Variants in QTMAN observed in about 807,000 individuals in gnomAD.
QTMAN encodes queuosine-tRNA mannosyltransferase, also known as tRNA-queuosine alpha-mannosyltransferase.
the QTMAN span, among the ~76,000 whole-genome samples, chr2:143,959,937 G>A: frequency 6.6e-6 from 1 of 152,004 alleles, no homozygotes; most frequent in Admixed American, 6.6e-5. Flanking sequence ...GTGGCTAATG[G>A]TTGTGAAATC....
At chr2:144,108,534 A>G in the QTMAN span, among the ~76,000 whole-genome samples, 1 of 151,094 alleles carries the variant, frequency 6.6e-6, no homozygotes, top group South Asian at 2.1e-4. Context: ...GCTACTGGAG[A>G]GGCTGAGGCA....
chr2:144,166,284 C>T, the QTMAN span, among the ~76,000 whole-genome samples: 1 of 152,196 alleles, frequency 6.6e-6, no homozygotes, highest in Non-Finnish European at 1.5e-5. Context: ...AACTTGTCTG[C>T]ATCATTTAAG....
the QTMAN span, among the ~76,000 whole-genome samples, chr2:144,239,876 A>T: frequency 6.6e-6 from 1 of 152,196 alleles, no homozygotes; most frequent in Non-Finnish European, 1.5e-5. Context: ...AAAGCCTACC[A>T]ATCTAGCCTC....
the QTMAN span, among the ~76,000 whole-genome samples, chr2:144,136,655 A>T: frequency 6.6e-6 from 1 of 152,078 alleles, no homozygotes; most frequent in Non-Finnish European, 1.5e-5. Context: ...TTCCTTTAGC[A>T]TCTAGTTTAG....
At chr2:144,206,518 A>C in the QTMAN span, among the ~76,000 whole-genome samples, 1 of 152,206 alleles carries the variant, frequency 6.6e-6, no homozygotes, top group Non-Finnish European at 1.5e-5. Flanking sequence ...CTCAAATATA[A>C]GTTAAACTGG....
the QTMAN span, among the ~76,000 whole-genome samples, chr2:144,102,972 T>C: frequency 1.3e-5 from 2 of 152,184 alleles, no homozygotes; most frequent in Admixed American, 6.5e-5. Context: ...CCCACCACTT[T>C]TCCCCAAACC....
chr2:144,115,520 A>G, the QTMAN span, among the ~76,000 whole-genome samples: 1 of 152,228 alleles, frequency 6.6e-6, no homozygotes, highest in African/African-American at 2.4e-5. Flanking sequence ...CCAGTTTGGC[A>G]GTTGGAAGAG....
chr2:144,132,434 T>A, the QTMAN span, among the ~76,000 whole-genome samples: 1 of 152,196 alleles, frequency 6.6e-6, no homozygotes, highest in East Asian at 1.9e-4. Context: ...TTTCCCAGCA[T>A]TCTAAAATAG....
the QTMAN span, among the ~76,000 whole-genome samples, chr2:144,016,893 T>C: frequency 6.3e-3 from 959 of 152,316 alleles, 14 homozygotes; most frequent in African/African-American, 0.022. Context: ...TATATTTATG[T>C]TGATAGTGAC....
At chr2:144,212,693 AT>A in the QTMAN span, among the ~76,000 whole-genome samples, 2 of 152,276 alleles carry the variant, frequency 1.3e-5, no homozygotes, top group Non-Finnish European at 2.9e-5. Context: ...TTTCAGATAA[AT>A]TTTAATCAAT....
At chr2:144,273,879 T>A in the QTMAN span, among the ~76,000 whole-genome samples, 9 of 152,168 alleles carry the variant, frequency 5.9e-5, no homozygotes, top group African/African-American at 2.2e-4. Context: ...CTCACGCCTG[T>A]AATCCCAGCA....
chr2:144,067,176 A>G, the QTMAN span, among the ~76,000 whole-genome samples: 1 of 152,244 alleles, frequency 6.6e-6, no homozygotes, highest in African/African-American at 2.4e-5. Flanking sequence ...TCAGAAAGAC[A>G]TAATATCTTG....
the QTMAN span, among the ~76,000 whole-genome samples, chr2:144,052,479 A>G: frequency 6.6e-6 from 1 of 152,242 alleles, no homozygotes; most frequent in African/African-American, 2.4e-5. Context: ...AGTACTGCAC[A>G]TACATTTATT....
the QTMAN span, among the ~76,000 whole-genome samples, chr2:144,209,699 C>T: frequency 6.6e-6 from 1 of 152,128 alleles, no homozygotes; most frequent in South Asian, 2.1e-4. Flanking sequence ...TATCTATGAA[C>T]ATAAAATCTC....
chr2:144,004,948 T>C, the QTMAN span, among the ~76,000 whole-genome samples: 3 of 152,086 alleles, frequency 2.0e-5, no homozygotes, highest in African/African-American at 7.2e-5. Flanking sequence ...TTATTCCTCG[T>C]AATCTTCCTC....
chr2:144,324,646 A>G, the QTMAN span, among the ~76,000 whole-genome samples: 1 of 152,204 alleles, frequency 6.6e-6, no homozygotes, highest in African/African-American at 2.4e-5. Context: ...AGGTCCGGAC[A>G]CAGAGCTTGC....
the QTMAN span, among the ~76,000 whole-genome samples, chr2:144,273,117 C>T: frequency 6.6e-6 from 1 of 152,028 alleles, no homozygotes; most frequent in East Asian, 1.9e-4. Context: ...CAGAAAGCTC[C>T]AGCGCTTTCA....
At chr2:144,136,214 C>G in the QTMAN span, among the ~76,000 whole-genome samples, 1 of 151,488 alleles carries the variant, frequency 6.6e-6, no homozygotes, top group African/African-American at 2.4e-5. Flanking sequence ...GCAGTCCCAG[C>G]TATCAGTAGG....
chr2:144,301,402 T>C, the QTMAN span, among the ~76,000 whole-genome samples: 1 of 152,128 alleles, frequency 6.6e-6, no homozygotes, highest in African/African-American at 2.4e-5. Flanking sequence ...TTTGTACTTT[T>C]AGTAGAGACA....
Sources: allele counts gnomAD v4.1 joint callset (sites outside exome capture counted in the v4.1 genomes callset), GRCh38; gene constraint gnomAD v4.1.1; transcripts MANE v1.5; gene names NCBI Gene and HGNC (gene_info 2026-07-23, HGNC 2026-07-21).